The following PLXDC2 variants were observed in gnomAD, a reference collection of about 807,000 sequenced individuals.
The protein encoded by PLXDC2 is plexin domain-containing protein 2.
Under a neutral mutation model 68.9 loss-of-function variants are expected in PLXDC2, and 40 were observed. That is an observed-to-expected ratio of 0.58 (90% CI 0.45 to 0.76). The LOEUF is 0.76. PLXDC2 is among the 30% of genes least tolerant of loss of function. The probability of loss-of-function intolerance (pLI) is 0.00; values close to 1 mark genes in which losing one functional copy is unlikely to be tolerated. For missense variants in PLXDC2, 644 were observed against 661.9 expected, an observed-to-expected ratio of 0.97 and a Z score of 0.30; for synonymous variants, 243 against 234.2, an observed-to-expected ratio of 1.04 and a Z score of -0.34.
chr10:19,928,979 T>C (rs991720663), intron 1 of PLXDC2, among the ~76,000 whole-genome samples: 5 of 151,728 alleles, frequency 3.3e-5, no homozygotes, highest in Admixed American at 6.5e-5. Flanking sequence ...TGTCTCGAAC[T>C]CCTGACCTCA....
At chr10:20,004,186 A>G (rs536087628) in intron 2 of PLXDC2, among the ~76,000 whole-genome samples, 16 of 152,356 alleles carry the variant, frequency 1.1e-4, no homozygotes, top group Admixed American at 2.6e-4. Context: ...AAAGATCTGA[A>G]GTATAGGCTG....
At chr10:20,014,360 TTCCTTCCTTCCTTCCTTCCTTGC>T (rs1835168660) in intron 2 of PLXDC2, among the ~76,000 whole-genome samples, 1 of 64,404 alleles carries the variant, frequency 1.6e-5, no homozygotes, top group Non-Finnish European at 3.4e-5. Context: ...TTCCCTTTCC[TTCCTTCCTTCCTTCCTTCCTTGC>T]TTCCTTCCTT....
chr10:20,257,227 A>G (rs1477734368), intron 13 of PLXDC2, among the ~76,000 whole-genome samples: 1 of 152,206 alleles, frequency 6.6e-6, no homozygotes, highest in Non-Finnish European at 1.5e-5. Context: ...AGAAGGCCCC[A>G]TTATCAAGGA....
chr10:20,117,575 G>A (rs1393939631), intron 4 of PLXDC2, among the ~76,000 whole-genome samples: 1 of 152,144 alleles, frequency 6.6e-6, no homozygotes, highest in Admixed American at 6.5e-5. Flanking sequence ...GGATAAACAA[G>A]TTGACCGATG....
intron 13 of PLXDC2, among the ~76,000 whole-genome samples, chr10:20,256,277 C>G (rs565406256): frequency 6.6e-6 from 1 of 151,852 alleles, no homozygotes; most frequent in Admixed American, 6.6e-5. Context: ...GGATTACAGG[C>G]GCCCACCATG....
chr10:19,879,462 T>C (rs554744380), intron 1 of PLXDC2, among the ~76,000 whole-genome samples: 1 of 152,284 alleles, frequency 6.6e-6, no homozygotes, highest in Admixed American at 6.5e-5. Context: ...AATCAAATTG[T>C]GCCATTATTT....
At chr10:20,120,836 T>C (rs1833687236) in intron 4 of PLXDC2, among the ~76,000 whole-genome samples, 1 of 152,184 alleles carries the variant, frequency 6.6e-6, no homozygotes, top group African/African-American at 2.4e-5. Flanking sequence ...TGAAAGGTTC[T>C]AAGAGGCGGG....
intron 4 of PLXDC2, among the ~76,000 whole-genome samples, chr10:20,109,123 A>T (rs1450797981): frequency 6.6e-6 from 1 of 152,160 alleles, no homozygotes; most frequent in Non-Finnish European, 1.5e-5. Context: ...GCGCTCAGGG[A>T]GGCGGTTACG....
chr10:20,083,021 TG>T (rs1459727554), intron 4 of PLXDC2, among the ~76,000 whole-genome samples: 1 of 152,120 alleles, frequency 6.6e-6, no homozygotes, highest in Non-Finnish European at 1.5e-5. Context: ...TAAAATAATT[TG>T]GAAGAAAAGT....
At chr10:19,844,377 C>A (rs1010698768) in intron 1 of PLXDC2, among the ~76,000 whole-genome samples, 2 of 152,048 alleles carry the variant, frequency 1.3e-5, no homozygotes, top group African/African-American at 4.8e-5. Flanking sequence ...TGGACATTTT[C>A]CTGGATGCTC....
intron 9 of PLXDC2, among the ~76,000 whole-genome samples, chr10:20,198,197 C>G (rs1834867075): frequency 6.6e-6 from 1 of 152,028 alleles, no homozygotes; most frequent in South Asian, 2.1e-4. Context: ...AAACAGAAGA[C>G]AAGCAGCTGA....
intron 12 of PLXDC2, among the ~76,000 whole-genome samples, chr10:20,244,408 C>T (rs957263792): frequency 1.3e-5 from 2 of 152,176 alleles, no homozygotes; most frequent in African/African-American, 2.4e-5. Flanking sequence ...GAAAGCATCT[C>T]AGTAAAAGTT....
chr10:19,865,035 A>G (rs565851065), intron 1 of PLXDC2, among the ~76,000 whole-genome samples: 9 of 152,336 alleles, frequency 5.9e-5, no homozygotes, highest in African/African-American at 1.2e-4. Flanking sequence ...CCACAGTTCA[A>G]TGTGGCTGGA....
At chr10:20,129,429 A>C (rs1244493825) in intron 4 of PLXDC2, among the ~76,000 whole-genome samples, 1 of 150,394 alleles carries the variant, frequency 6.6e-6, no homozygotes, top group Admixed American at 6.6e-5. Flanking sequence ...TTTTCTCTTG[A>C]CTCTGTTGAT....
At chr10:19,921,328 A>G (rs980940264) in intron 1 of PLXDC2, among the ~76,000 whole-genome samples, 4 of 152,046 alleles carry the variant, frequency 2.6e-5, no homozygotes, top group Non-Finnish European at 5.9e-5. Flanking sequence ...TCAATAAGAG[A>G]CAATTAATCA....
chr10:20,083,586 ATTTG>A (rs1564309344), intron 4 of PLXDC2, among the ~76,000 whole-genome samples: 1 of 152,062 alleles, frequency 6.6e-6, no homozygotes, highest in Non-Finnish European at 1.5e-5. Flanking sequence ...CAGTGTATGT[ATTTG>A]TTTTTATTTA....
intron 1 of PLXDC2, among the ~76,000 whole-genome samples, chr10:19,963,315 G>A (rs991837759): frequency 2.0e-5 from 3 of 152,174 alleles, no homozygotes; most frequent in African/African-American, 7.2e-5. Context: ...GGGAGGGCAT[G>A]ATGGAAAATG....
At chr10:19,854,643 G>GA (rs1231854649) in intron 1 of PLXDC2, among the ~76,000 whole-genome samples, 1 of 152,038 alleles carries the variant, frequency 6.6e-6, no homozygotes, top group Non-Finnish European at 1.5e-5. Flanking sequence ...TTTGGCAAGC[G>GA]AAGTTAAAAA....
chr10:19,955,156 G>C (rs1295541740), intron 1 of PLXDC2, among the ~76,000 whole-genome samples: 1 of 143,296 alleles, frequency 7.0e-6, no homozygotes, highest in Non-Finnish European at 1.5e-5. Context: ...CTTCTGAGTA[G>C]CTGGGACTAT....
Sources: allele counts gnomAD v4.1 joint callset (sites outside exome capture counted in the v4.1 genomes callset), GRCh38; gene constraint gnomAD v4.1.1; transcripts MANE v1.5; gene names NCBI Gene and HGNC (gene_info 2026-07-23, HGNC 2026-07-21).